The following N4BP1 variants were observed in gnomAD, a reference collection of about 807,000 sequenced individuals.
The protein encoded by N4BP1 is NEDD4 binding protein 1.
In N4BP1, 21 loss-of-function variants were observed where a neutral mutation model predicts 70.9. The observed-to-expected ratio is 0.30, with a 90% confidence interval of 0.21 to 0.43. The LOEUF (loss-of-function observed/expected upper bound fraction) is 0.43, where lower values mean the gene tolerates loss of function less well. Among genes scored for constraint, N4BP1 ranks in the 20% least tolerant of loss-of-function variants. The pLI, the probability that N4BP1 is intolerant of heterozygous loss-of-function variation, is 1.00. For missense variants in N4BP1, 936 were observed against 1,069.4 expected (o/e 0.88, Z 1.74); for synonymous variants, 387 against 394.6 (o/e 0.98, Z 0.23).
At chr16:48,577,672 G>C (rs1643933931) in intron 1 of N4BP1, 1 of 218,270 alleles carries the variant, frequency 4.6e-6, no homozygotes, top group African/African-American at 2.3e-5. Context: ...GTAGGTCTTG[G>C]AGATGGCATC....
intron 6 of N4BP1, among the ~76,000 whole-genome samples, chr16:48,545,783 T>C (rs1343806670): frequency 1.3e-5 from 2 of 152,036 alleles, no homozygotes; most frequent in African/African-American, 2.4e-5. Context: ...CCCAACACTT[T>C]GGGAGGCTGA....
intron 1 of N4BP1, among the ~76,000 whole-genome samples, chr16:48,580,343 T>C (rs973775225): frequency 2.6e-5 from 4 of 152,182 alleles, no homozygotes; most frequent in South Asian, 4.1e-4. Context: ...AAGAAATGGA[T>C]AAATTCCTTG....
At chr16:48,604,974 C>T (rs1339039942) in intron 1 of N4BP1, among the ~76,000 whole-genome samples, 1 of 152,156 alleles carries the variant, frequency 6.6e-6, no homozygotes, top group African/African-American at 2.4e-5. Flanking sequence ...TACACAGGTT[C>T]CCTGCCTGGT....
intron 4 of N4BP1, among the ~76,000 whole-genome samples, chr16:48,548,589 G>A (rs1462466661): frequency 1.3e-5 from 2 of 152,130 alleles, no homozygotes; most frequent in East Asian, 1.9e-4. Context: ...GCTCACGCCT[G>A]TAATCCCAAC....
At chr16:48,551,577 A>G (rs1963666446) in intron 3 of N4BP1, 95 bp from the exon 4 acceptor site, 1 of 863,160 alleles carries the variant, frequency 1.2e-6, no homozygotes, top group Non-Finnish European at 1.8e-6. Flanking sequence ...TCACTTGGAG[A>G]GCTGTAGAAA....
chr16:48,543,332 G>A (rs935183796), intron 6 of N4BP1, 71 bp from the exon 7 acceptor site: 1 of 1,282,824 alleles, frequency 7.8e-7, no homozygotes, highest in Admixed American at 3.1e-5. Context: ...ATTTTAGAAG[G>A]TACCTGCGGC....
At chr16:48,583,447 A>G (rs1399859900) in intron 1 of N4BP1, among the ~76,000 whole-genome samples, 1 of 152,214 alleles carries the variant, frequency 6.6e-6, no homozygotes, top group Non-Finnish European at 1.5e-5. Flanking sequence ...ACAAGATTAC[A>G]GTTAGATAGG....
chr16:48,561,423 T>G lies in N4BP1; in HGVS notation c.1220A>C (p.Asn407Thr). 1 of 1,613,952 alleles carries G rather than the reference T, an allele frequency of 6.2e-7. No homozygotes were observed. Among genetic ancestry groups the G allele is most frequent in the Non-Finnish European group, 8.5e-7 (1 of 1,179,876 alleles). The change falls in exon 2 of 7, where the codon AAC becomes ACC. Residue 407 changes from asparagine (N) to threonine (T), a missense_variant. Asn to Thr is a moderately conservative substitution (Grantham distance 65, BLOSUM62 0). This residue lies in a region of N4BP1 where 515 missense variants were observed against 491.7 expected (regional missense o/e 1.05). Coordinates refer to ENST00000262384, the MANE Select transcript of N4BP1 (RefSeq NM_153029.4). ...FSAGTVYPET[N>T]KTKNKGVYSS... is the part of the protein sequence containing the mutation. ...ATAAACACCTTTATTTTTGGTTTTG[T>G]TGGTCTCTGGATACACTGTACCAGC...
intron 1 of N4BP1, chr16:48,577,552 G>A: frequency 5.0e-6 from 1 of 198,668 alleles, no homozygotes; most frequent in South Asian, 1.0e-4. Flanking sequence ...TGCAGCCTGG[G>A]TCCTTTGCAT....
chr16:48,602,583 G>A (rs1267336826), intron 1 of N4BP1, among the ~76,000 whole-genome samples: 2 of 151,998 alleles, frequency 1.3e-5, no homozygotes, highest in African/African-American at 4.8e-5. Context: ...TGTTTCTTAA[G>A]AAGATGATTT....
At chr16:48,606,398 C>T (rs1964583144) in intron 1 of N4BP1, among the ~76,000 whole-genome samples, 1 of 152,196 alleles carries the variant, frequency 6.6e-6, no homozygotes, top group Non-Finnish European at 1.5e-5. Context: ...GGTCCAATGA[C>T]CTTAGCCTGG....
chr16:48,605,052 GAC>G (rs1055367504), intron 1 of N4BP1, among the ~76,000 whole-genome samples: 1 of 150,182 alleles, frequency 6.7e-6, no homozygotes, highest in Non-Finnish European at 1.5e-5. Context: ...TTTTTCTCAA[GAC>G]AGAGTTTTGC....
At chr16:48,546,069 A>G (rs2151084789) in intron 6 of N4BP1, 78 bp downstream of exon 6, 1 of 896,378 alleles carries the variant, frequency 1.1e-6, no homozygotes, top group South Asian at 1.6e-5. Context: ...TTTTTAGTCT[A>G]TAAAGACAGC....
chr16:48,573,536 T>C (rs1964052462), intron 1 of N4BP1, among the ~76,000 whole-genome samples: 1 of 152,122 alleles, frequency 6.6e-6, no homozygotes, highest in Non-Finnish European at 1.5e-5. Context: ...GAGGTTGCAG[T>C]GAGCTGAGAT....
At chr16:48,602,585 A>T (rs1466064152) in intron 1 of N4BP1, among the ~76,000 whole-genome samples, 1 of 152,106 alleles carries the variant, frequency 6.6e-6, no homozygotes, top group South Asian at 2.1e-4. Context: ...TTTCTTAAGA[A>T]GATGATTTTC....
chr16:48,561,837 A>G lies in N4BP1; in HGVS notation c.806T>C (p.Leu269Pro), dbSNP rs1351349481. Residue 269 changes from leucine to proline, a missense_variant, in exon 2 of 7, where the codon CTA (leucine) becomes CCA (proline). By Grantham distance (98) the Leu-to-Pro change is moderately conservative (BLOSUM62 -3). This residue lies in a region of N4BP1 where 515 missense variants were observed against 491.7 expected (regional missense o/e 1.05). Coordinates refer to ENST00000262384, the MANE Select transcript of N4BP1 (RefSeq NM_153029.4). ...GGAAAGTGCCTCTTCATCTGGGGTTAGACCATTTATTGGATCAAAAAGCAC... is the reference window on the plus strand; with the variant it reads ...GGAAAGTGCCTCTTCATCTGGGGTTGGACCATTTATTGGATCAAAAAGCAC... Reference protein sequence around the residue: ...PDVLFDPINGLTPDEEALSNE... With the variant: ...PDVLFDPINGPTPDEEALSNE... 2.5e-6 allele frequency: 4 copies of G among 1,613,760 alleles called. No homozygotes were observed. The African/African-American group carries it at 4.0e-5, about 16-fold the overall frequency.
Position 48,561,988 on chromosome 16 carries a change from C to G in N4BP1, c.655G>C (p.Ala219Pro), listed in dbSNP as rs774343431. Residue 219 changes from alanine (A) to proline (P), a missense_variant, in exon 2 of 7, where the codon GCT becomes CCT. Transcript: ENST00000262384. ...DSQQTEFTQN[A>P]ATGLNISRDE... ...CTAGAAATATTCAGCCCTGTGGCAG[C>G]ATTCTGTGTAAACTCTGTTTGTTGA... 6.2e-7 allele frequency: 1 copy of G among 1,613,912 alleles called. No homozygotes were observed. The highest frequency in any genetic ancestry group is 1.1e-5 in the South Asian group (1 of 91,078).
chr16:48,599,466 C>G (rs1332492076), intron 1 of N4BP1, among the ~76,000 whole-genome samples: 1 of 152,206 alleles, frequency 6.6e-6, no homozygotes, highest in Non-Finnish European at 1.5e-5. Context: ...TACATTCTCA[C>G]AAGGACATTC....
At chr16:48,606,254 T>C (rs1013318307) in intron 1 of N4BP1, among the ~76,000 whole-genome samples, 8 of 152,122 alleles carry the variant, frequency 5.3e-5, no homozygotes, top group African/African-American at 1.9e-4. Context: ...ACAGCTGCCC[T>C]GTCCCTGTAA....
Sources: allele counts gnomAD v4.1 joint callset (sites outside exome capture counted in the v4.1 genomes callset), GRCh38; gene constraint gnomAD v4.1.1; regional missense constraint gnomAD v4.1.1; transcripts MANE v1.5; gene names NCBI Gene and HGNC (gene_info 2026-07-23, HGNC 2026-07-21).